Variants in COL23A1 observed in about 807,000 individuals in gnomAD.
The protein encoded by COL23A1 is collagen alpha-1(XXIII) chain.
In COL23A1, 97 loss-of-function variants were observed where a neutral mutation model predicts 99.3. That is an observed-to-expected ratio of 0.98 (90% CI 0.83 to 1.16). The LOEUF (loss-of-function observed/expected upper bound fraction) is 1.16. COL23A1 is among the 50% of genes most tolerant of loss of function. The pLI is 0.00. For missense variants in COL23A1, 762 were observed against 757.4 expected (o/e 1.01, Z -0.07); for synonymous variants, 320 against 308.2 (o/e 1.04, Z -0.40).
chr5:178,314,664 C>G (rs1246722982), intron 2 of COL23A1, among the ~76,000 whole-genome samples: 3 of 152,182 alleles, frequency 2.0e-5, no homozygotes, highest in Non-Finnish European at 4.4e-5. Context: ...GCCGCCGGCA[C>G]CATTTATCGA....
chr5:178,304,971 G>A (rs1758272126), intron 3 of COL23A1, among the ~76,000 whole-genome samples: 1 of 152,198 alleles, frequency 6.6e-6, no homozygotes, highest in Admixed American at 6.5e-5. Flanking sequence ...TGAGTCATAA[G>A]TTAAATGGAT....
chr5:178,399,921 C>A (rs938646238), intron 2 of COL23A1, among the ~76,000 whole-genome samples: 2 of 152,218 alleles, frequency 1.3e-5, no homozygotes, highest in East Asian at 3.9e-4. Flanking sequence ...GATCCACCCG[C>A]GTCCATGCCT....
At chr5:178,386,664 G>A (rs1240441802) in intron 2 of COL23A1, among the ~76,000 whole-genome samples, 5 of 152,116 alleles carry the variant, frequency 3.3e-5, no homozygotes, top group African/African-American at 1.2e-4. Flanking sequence ...ACAGCTCACT[G>A]AGACCCGGTG....
In COL23A1 at chr5:178,307,073, T is replaced by TG; in HGVS notation, c.362-155dup. On this transcript the variant is annotated intron_variant, in intron 2 of 28. Transcript: ENST00000390654. The surrounding 1 kb of genome is among the most constrained non-coding windows in gnomAD (Gnocchi z 4.2). ...TGCTGGCTGTGGAGGGGGAGATGCGTGGGGAGAAACCCCTTCCTTCTGCCA... is the reference window on the plus strand; with the variant it reads ...TGCTGGCTGTGGAGGGGGAGATGCGTGGGGGAGAAACCCCTTCCTTCTGCCA... 2 of 527,102 alleles carry TG rather than the reference T, an allele frequency of 3.8e-6. No homozygotes were observed. The highest frequency in any genetic ancestry group is 6.7e-6 in the Non-Finnish European group (2 of 297,844). The allele number at this position is 527,102 out of a possible 1,614,324, so 32.7% of individuals were successfully genotyped here. A position where few individuals can be genotyped will look rare whatever the true frequency, so the allele number is the denominator to read the frequency against.
intron 2 of COL23A1, among the ~76,000 whole-genome samples, chr5:178,394,364 A>AC: frequency 6.6e-6 from 1 of 152,178 alleles, no homozygotes; most frequent in Non-Finnish European, 1.5e-5. Flanking sequence ...CAGCTGGAGA[A>AC]CACCTGCTAG....
chr5:178,433,513 T>C (rs966704764), intron 2 of COL23A1, among the ~76,000 whole-genome samples: 1 of 152,066 alleles, frequency 6.6e-6, no homozygotes, highest in African/African-American at 2.4e-5. Context: ...GATCAGATCA[T>C]TGGCAATTGG....
chr5:178,487,763 A>G (rs774820278), intron 2 of COL23A1, among the ~76,000 whole-genome samples: 8 of 152,188 alleles, frequency 5.3e-5, no homozygotes, highest in Non-Finnish European at 1.0e-4. Flanking sequence ...CTCACTCATG[A>G]TAACTACATA....
intron 2 of COL23A1, among the ~76,000 whole-genome samples, chr5:178,364,819 C>T (rs1762374294): frequency 1.3e-5 from 2 of 152,156 alleles, no homozygotes; most frequent in Non-Finnish European, 2.9e-5. Flanking sequence ...CACAGGGGCT[C>T]CCCCTCACCT....
intron 2 of COL23A1, among the ~76,000 whole-genome samples, chr5:178,507,498 T>C (rs904273348): frequency 1.3e-5 from 2 of 152,176 alleles, no homozygotes; most frequent in African/African-American, 4.8e-5. Context: ...CTGATAATAA[T>C]AGTTTCTAGC....
At chr5:178,563,017 C>G (rs563508947) in intron 1 of COL23A1, among the ~76,000 whole-genome samples, 1 of 152,204 alleles carries the variant, frequency 6.6e-6, no homozygotes, top group African/African-American at 2.4e-5. Context: ...CTCCAAGTCC[C>G]CACTGCACCC....
At chr5:178,371,680 G>A (rs1762809230) in intron 2 of COL23A1, among the ~76,000 whole-genome samples, 1 of 152,122 alleles carries the variant, frequency 6.6e-6, no homozygotes, top group Non-Finnish European at 1.5e-5. Flanking sequence ...TCTCCCTCCT[G>A]TGACAGGGCA....
intron 1 of COL23A1, among the ~76,000 whole-genome samples, chr5:178,582,870 C>T (rs375069607): frequency 3.3e-5 from 5 of 152,330 alleles, no homozygotes; most frequent in Admixed American, 2.6e-4. Flanking sequence ...GAAACAGGGA[C>T]CTGGGAGTAG....
chr5:178,276,646 T>G (rs1051402317), intron 5 of COL23A1, among the ~76,000 whole-genome samples: 4 of 152,344 alleles, frequency 2.6e-5, no homozygotes, highest in African/African-American at 9.6e-5. Flanking sequence ...CATACGGTTC[T>G]GATTTCTCAG....
chr5:178,330,450 G>A (rs1259682207), intron 2 of COL23A1, among the ~76,000 whole-genome samples: 2 of 152,154 alleles, frequency 1.3e-5, no homozygotes, highest in Non-Finnish European at 2.9e-5. Context: ...GAGGCCAGGA[G>A]CTCAAGACCA....
intron 1 of COL23A1, among the ~76,000 whole-genome samples, chr5:178,563,472 T>C (rs1489885704): frequency 6.6e-6 from 1 of 151,256 alleles, no homozygotes; most frequent in Non-Finnish European, 1.5e-5. Flanking sequence ...CCTGTCCCAG[T>C]TGAATGGGGG....
At position 178,366,107 on chromosome 5, in the gene COL23A1, G is replaced by A. The variant is rs943622023; in HGVS notation, c.362-59188C>T. Reference sequence around the variant, plus strand: ...CCTCAGCATCTGGCCCAGCCCCATGGGGACCATCTGTTAAAGCTCCATCTA... The same window carrying A: ...CCTCAGCATCTGGCCCAGCCCCATGAGGACCATCTGTTAAAGCTCCATCTA... On this transcript the variant is annotated intron_variant, in intron 2 of 28. Coordinates refer to ENST00000390654, the MANE Select transcript of COL23A1 (RefSeq NM_173465.4). This position sits in a 1 kb window ranked among gnomAD's most constrained non-coding sequence, Gnocchi z 4.4. Among the ~76,000 whole-genome samples, 3 of 152,134 alleles carry A rather than the reference G, an allele frequency of 2.0e-5. No homozygotes were observed. Among genetic ancestry groups the A allele is most frequent in the Non-Finnish European group, 2.9e-5 (2 of 68,022 alleles).
At chr5:178,291,752 T>G (rs1757471501) in intron 3 of COL23A1, among the ~76,000 whole-genome samples, 1 of 147,930 alleles carries the variant, frequency 6.8e-6, no homozygotes, top group African/African-American at 2.5e-5. Flanking sequence ...GAGGGGGGAG[T>G]GGAGAGAGTC....
intron 3 of COL23A1, among the ~76,000 whole-genome samples, chr5:178,299,910 C>T (rs1246104644): frequency 1.3e-5 from 2 of 151,254 alleles, no homozygotes; most frequent in African/African-American, 2.4e-5. Flanking sequence ...CCCACCACCA[C>T]ACCCAGCTAA....
chr5:178,292,137 G>A (rs1757493544), intron 3 of COL23A1, among the ~76,000 whole-genome samples: 1 of 152,012 alleles, frequency 6.6e-6, no homozygotes, highest in South Asian at 2.1e-4. Context: ...GCCTGCGCCT[G>A]CATCTGCAAC....
Sources: gnomAD v4.1 joint callset for allele counts (sites outside exome capture counted in the v4.1 genomes callset) on GRCh38, gnomAD v4.1.1 for gene constraint, Gnocchi (gnomAD v3.1) non-coding constraint, MANE v1.5 for transcripts, NCBI Gene and HGNC (gene_info 2026-07-23, HGNC 2026-07-21) for gene names.